GRSF1: variants seen among roughly 807,000 people sequenced by gnomAD.
GRSF1 encodes the protein G-rich RNA sequence binding factor 1.
A neutral mutation model predicts 51.1 loss-of-function variants in GRSF1; 50 were observed. That is an observed-to-expected ratio of 0.98 (90% CI 0.78 to 1.24). The LOEUF is 1.24. Among genes scored for constraint, GRSF1 ranks in the 50% most tolerant of loss-of-function variants. GRSF1 has a pLI of 0.00. For missense variants in GRSF1, 700 were observed against 639.7 expected (o/e 1.09, Z -1.02); for synonymous variants, 293 against 253.3 (o/e 1.16, Z -1.49).
In GRSF1 at chr4:70,825,289, G is replaced by A; in HGVS notation, c.1393+7C>T. 1.3e-6 allele frequency: 2 copies of A among 1,596,900 alleles called. No individual in the cohort carries two copies. Among genetic ancestry groups the A allele is most frequent in the East Asian group, 2.2e-5 (1 of 44,628 alleles). Reference sequence around the variant, plus strand: ...AAATGACAACAAAAGCCAAAGGCAGGACTTACGAACGTGGGACCGATCCTT... The same window carrying A: ...AAATGACAACAAAAGCCAAAGGCAGAACTTACGAACGTGGGACCGATCCTT... On this transcript the variant is annotated splice_region_variant and intron_variant, in intron 8 of 9. Coordinates refer to ENST00000254799, the MANE Select transcript of GRSF1 (RefSeq NM_002092.4).
chr4:70,839,461 G>A lies in GRSF1; in HGVS notation c.357+10C>T, dbSNP rs1169903276. On this transcript the variant is annotated intron_variant, in intron 1 of 9. Transcript: ENST00000254799. ...GATCTCGCGCCAGGTCCCTCACGGC[G>A]CCCACGTACCTGGCTGTAGCTGCGC... 11 of 1,460,444 alleles carry A rather than the reference G, an allele frequency of 7.5e-6. No individual in the cohort carries two copies. In the Admixed American group the frequency reaches 2.3e-4, roughly 30 times the overall value. 90.5% of individuals were successfully genotyped at this position (1,460,444 alleles called of 1,614,324 possible).
chr4:70,827,579 A>G (rs1733786962), intron 6 of GRSF1, among the ~76,000 whole-genome samples: 2 of 151,882 alleles, frequency 1.3e-5, no homozygotes, highest in Non-Finnish European at 2.9e-5. Context: ...AGAGTTCCAG[A>G]CCAGCCTGGC....
chr4:70,818,102 G>C lies in GRSF1; in HGVS notation c.*2785C>G, dbSNP rs1387797635. 6.6e-6 allele frequency: 1 copy of C among 152,310 alleles called. No homozygotes were observed. The highest frequency in any genetic ancestry group is 2.4e-5 in the African/African-American group (1 of 41,420). The allele number at this position is 152,310 out of a possible 1,614,324, so 9.4% of individuals were successfully genotyped here. A position where few individuals can be genotyped will look rare whatever the true frequency, so the allele number is the denominator to read the frequency against. ...TGCCCAGGCTGGAGTGCAATGGTGT[G>C]ATCTTGGCTCGCTACAACCTCTGCC... On this transcript the variant is annotated 3_prime_UTR_variant, in exon 10 of 10. Coordinates refer to ENST00000254799, the MANE Select transcript of GRSF1 (RefSeq NM_002092.4).
chr4:70,842,314 C>T (rs545525095), upstream of GRSF1, among the ~76,000 whole-genome samples: 60 of 152,168 alleles, frequency 3.9e-4, no homozygotes, highest in Non-Finnish European at 6.0e-4. Flanking sequence ...CTTCCCTGAA[C>T]AGTAATTTTG....
chr4:70,827,639 G>A (rs958638224), intron 6 of GRSF1, among the ~76,000 whole-genome samples: 2 of 151,728 alleles, frequency 1.3e-5, no homozygotes, highest in Non-Finnish European at 2.9e-5. Flanking sequence ...TTGGCTGCGC[G>A]TGGCGGCATG....
chr4:70,826,252 G>T lies in GRSF1; in HGVS notation c.1136-7C>A, dbSNP rs1294859698. 3.1e-6 allele frequency: 5 copies of T among 1,595,692 alleles called. No individual in the cohort carries two copies. The Middle Eastern group carries it at 5.0e-4, about 159-fold the overall frequency. Reference sequence around the variant, plus strand: ...GGCACCTCCTTAGGCAATTCTGAGAGGTGGAACAGAAAGCACTGTTAAAAC... The same window carrying T: ...GGCACCTCCTTAGGCAATTCTGAGATGTGGAACAGAAAGCACTGTTAAAAC... On this transcript the variant is annotated splice_region_variant and splice_polypyrimidine_tract_variant and intron_variant, in intron 6 of 9. Coordinates refer to ENST00000254799, the MANE Select transcript of GRSF1 (RefSeq NM_002092.4).
Position 70,836,309 on chromosome 4 carries a change from G to C in GRSF1, c.363C>G (p.Ser121=). The change falls in exon 2 of 10, where the codon TCC becomes TCG. Residue 121 remains serine, a synonymous_variant. Transcript: ENST00000254799. The part of the protein sequence containing the change: ...AVPTRSYSQE[S]KTTYLEDLPP... ...GAAGGTCTTCCAGGTAAGTAGTTTT[G>C]GACTCCTTCCAAAGGAAATGAAGAA... is the stretch of plus-strand genomic sequence containing the variant. The C allele has an allele frequency of 6.4e-7, 1 of 1,567,680 alleles. No individual in the cohort carries two copies. The highest frequency in any genetic ancestry group is 8.6e-7 in the Non-Finnish European group (1 of 1,163,532).
chr4:70,826,142 A>G lies in GRSF1; in HGVS notation c.1239T>C (p.Asn413=). The change falls in exon 7 of 10, where the codon AAT becomes AAC. Residue 413 remains asparagine, a synonymous_variant. Transcript: ENST00000254799. ...VHMRGLPFQA[N]AQDIINFFAP... Reference sequence around the variant, plus strand: ...CACACACGTTTATAATGTCTTGGGCATTGGCTTGGAAAGGTAATCCTCTCA... The same window carrying G: ...CACACACGTTTATAATGTCTTGGGCGTTGGCTTGGAAAGGTAATCCTCTCA... 1.9e-6 allele frequency: 3 copies of G among 1,611,390 alleles called. No individual in the cohort carries two copies. The highest frequency in any genetic ancestry group is 2.5e-6 in the Non-Finnish European group (3 of 1,178,430).
intron 5 of GRSF1, among the ~76,000 whole-genome samples, chr4:70,829,909 A>C (rs920348661): frequency 3.3e-5 from 5 of 152,318 alleles, no homozygotes; most frequent in Middle Eastern, 3.4e-3. Context: ...AAAAGGCCAG[A>C]AAACAGTAAA....
rs1180449654 is a variant in GRSF1, at chr4:70,820,555, AAT to A, written c.*330_*331del. The A allele has an allele frequency of 6.6e-6, 1 of 152,430 alleles. No individual in the cohort carries two copies. The highest frequency in any genetic ancestry group is 2.4e-5 in the African/African-American group (1 of 41,468). The allele number at this position is 152,430 out of a possible 1,614,324, so 9.4% of individuals were successfully genotyped here. On this transcript the variant is annotated 3_prime_UTR_variant, in exon 10 of 10. Coordinates refer to ENST00000254799, the MANE Select transcript of GRSF1 (RefSeq NM_002092.4). ...CGTTTAAAGAACACTGCTGAATAAA[AAT>A]ATGTGGTCTTTACAATGAGTAACAT...
At chr4:70,831,498 A>T (rs761254884) in intron 5 of GRSF1, 41 bp downstream of exon 5, 1 of 1,568,608 alleles carries the variant, frequency 6.4e-7, no homozygotes. Context: ...AAATGACTTA[A>T]TGTGTAACAC....
rs1239085735 is a variant in GRSF1, at chr4:70,815,864, A to G, written c.*5023T>C. ...TGTTCACCAGTTAGTTGTTCACCTA[A>G]CAGGTGAAACGTTAAAATGTGGCAT... On this transcript the variant is annotated 3_prime_UTR_variant, in exon 10 of 10. Coordinates refer to ENST00000254799, the MANE Select transcript of GRSF1 (RefSeq NM_002092.4). 6.6e-6 allele frequency: 1 copy of G among 152,232 alleles called. No homozygotes were observed. The highest frequency in any genetic ancestry group is 1.5e-5 in the Non-Finnish European group (1 of 68,036). The allele number at this position is 152,232 out of a possible 1,614,324, so 9.4% of individuals were successfully genotyped here. A position where few individuals can be genotyped will look rare whatever the true frequency, so the allele number is the denominator to read the frequency against.
Position 70,831,593 on chromosome 4 carries a change from T to C in GRSF1, c.896A>G (p.Glu299Gly), listed in dbSNP as rs1211193036. 1 of 1,613,814 alleles carries C rather than the reference T, an allele frequency of 6.2e-7. No homozygotes were observed. Among genetic ancestry groups the C allele is most frequent in the Admixed American group, 1.7e-5 (1 of 60,018 alleles). Reference sequence around the variant, plus strand: ...CAGGGCTTGGTTGGCCATTTCTGGTTCTTCAAATTGCACATAGGCTTCCCC... The same window carrying C: ...CAGGGCTTGGTTGGCCATTTCTGGTCCTTCAAATTGCACATAGGCTTCCCC... ...KTGEAYVQFE[E>G]PEMANQALLK... The change falls in exon 5 of 10, where the codon GAA becomes GGA. Residue 299 changes from glutamate to glycine, a missense_variant. Glu to Gly is a moderately conservative substitution (Grantham distance 98). Transcript: ENST00000254799.
At chr4:70,820,889 A>G (rs1462884840) in intron 9 of GRSF1, 28 bp from the exon 10 acceptor site, 1 of 152,560 alleles carries the variant, frequency 6.6e-6, no homozygotes, top group Non-Finnish European at 1.5e-5. Flanking sequence ...AATATTGTAC[A>G]TTTACTCAAG....
At position 70,816,810 on chromosome 4, in the gene GRSF1, T is replaced by C. The variant is rs7694924; in HGVS notation, c.*4077A>G. The C allele has an allele frequency of 0.9, 136,824 of 152,242 alleles. 62,879 individuals are homozygous for C. The highest frequency in any genetic ancestry group is 1 in the East Asian group (5,180 of 5,188). 9.4% of individuals were successfully genotyped at this position (152,242 alleles called of 1,614,324 possible). A position where few individuals can be genotyped will look rare whatever the true frequency, so the allele number is the denominator to read the frequency against. ...AAAATGTCTACAACTTACTTGGACA[T>C]GCATATAGAAAAAAAGATGAGACTG... On this transcript the variant is annotated 3_prime_UTR_variant, in exon 10 of 10. Transcript: ENST00000254799.
chr4:70,826,671 C>T (rs1293597729), intron 6 of GRSF1, among the ~76,000 whole-genome samples: 28 of 151,930 alleles, frequency 1.8e-4, no homozygotes, highest in Admixed American at 1.8e-3. Context: ...CAGACACTGT[C>T]TCTACAAAAA....
intron 6 of GRSF1, 120 bp from the exon 7 acceptor site, chr4:70,826,365 C>A: frequency 1.3e-6 from 1 of 791,606 alleles, no homozygotes; most frequent in Non-Finnish European, 1.9e-6. Context: ...CATTAAAAGC[C>A]AAAATGATCT....
At chr4:70,831,975 C>T (rs79908354) in intron 4 of GRSF1, among the ~76,000 whole-genome samples, 1,801 of 149,934 alleles carry the variant, frequency 0.012, 28 homozygotes, top group South Asian at 0.044. Flanking sequence ...GACTTCACTG[C>T]TAATGGTTCT....
intron 9 of GRSF1, among the ~76,000 whole-genome samples, chr4:70,821,968 G>A (rs1733530621): frequency 6.6e-6 from 1 of 151,986 alleles, no homozygotes; most frequent in South Asian, 2.1e-4. Flanking sequence ...AACCCACCAT[G>A]CCTGGCCCCA....
Sources: allele counts gnomAD v4.1 joint callset (sites outside exome capture counted in the v4.1 genomes callset), GRCh38; gene constraint gnomAD v4.1.1; transcripts MANE v1.5; gene names NCBI Gene and HGNC (gene_info 2026-07-23, HGNC 2026-07-21).